FAM3D: variants seen among roughly 807,000 people sequenced by gnomAD.
The protein encoded by FAM3D is protein FAM3D.
FAM3D carries 26 observed loss-of-function variants against 29.8 expected under a neutral mutation model. The ratio of observed to expected loss-of-function variants is 0.87; its 90% CI spans 0.64 to 1.21. The LOEUF (loss-of-function observed/expected upper bound fraction) is 1.21, where lower values mean the gene tolerates loss of function less well. Ranked by LOEUF, FAM3D falls within the 50% of genes most tolerant of loss-of-function variation. The probability of loss-of-function intolerance (pLI) is 0.00; values close to 1 mark genes in which losing one functional copy is unlikely to be tolerated. For synonymous variants in FAM3D, 115 were observed against 102.3 expected, an observed-to-expected ratio of 1.12 and a Z score of -0.75; for missense variants, 253 against 290.9, an observed-to-expected ratio of 0.87 and a Z score of 0.95.
intron 7 of FAM3D, among the ~76,000 whole-genome samples, chr3:58,639,723 G>A (rs969230507): frequency 6.6e-6 from 1 of 152,156 alleles, no homozygotes; most frequent in African/African-American, 2.4e-5. Flanking sequence ...ACCTGCGTGG[G>A]CCCTGATGCA....
At chr3:58,656,141 C>T (rs2066790776) in intron 1 of FAM3D, among the ~76,000 whole-genome samples, 2 of 152,172 alleles carry the variant, frequency 1.3e-5, no homozygotes, top group South Asian at 2.1e-4. Flanking sequence ...TGCAGTGAAA[C>T]CATCAGGGAG....
At chr3:58,648,168 T>C (rs1025499930) in intron 4 of FAM3D, among the ~76,000 whole-genome samples, 2 of 152,246 alleles carry the variant, frequency 1.3e-5, no homozygotes, top group Non-Finnish European at 2.9e-5. Flanking sequence ...AACAAGATGC[T>C]GTGACACTCT....
rs3749290 is a variant in FAM3D at position 58,666,565 on chromosome 3, G to T, written c.-39+11C>A. 24,009 of 152,106 alleles carry T rather than the reference G, an allele frequency of 0.16. 2,336 individuals carry two copies. The highest frequency in any genetic ancestry group is 0.27 in the African/African-American group (11,023 of 41,430). 9.4% of individuals were successfully genotyped at this position (152,106 alleles called of 1,614,324 possible). On this transcript the variant is annotated intron_variant, in intron 1 of 9. Transcript: ENST00000358781. The stretch of plus-strand genomic sequence containing the variant: ...GGAACCATAGCCCTTTCCATTCTTG[G>T]GGGGACGTACCCGAGGGCTCGAGGC...
chr3:58,665,902 C>T (rs1379271537), intron 1 of FAM3D, among the ~76,000 whole-genome samples: 1 of 152,120 alleles, frequency 6.6e-6, no homozygotes, highest in Non-Finnish European at 1.5e-5. Context: ...AGAACTTCAG[C>T]GATTGATGGG....
chr3:58,641,321 C>T (rs79554816), intron 6 of FAM3D, among the ~76,000 whole-genome samples: 2,572 of 151,620 alleles, frequency 0.017, 67 homozygotes, highest in South Asian at 0.068. Context: ...CAGGTTCAAA[C>T]GTAGGTGGTT....
chr3:58,645,716 G>C (rs865911193), intron 4 of FAM3D, 90 bp from the exon 5 acceptor site: 2 of 1,103,660 alleles, frequency 1.8e-6, no homozygotes, highest in Non-Finnish European at 2.8e-6. Context: ...GGGCCAGGGC[G>C]CAGCTTGGGA....
intron 3 of FAM3D, among the ~76,000 whole-genome samples, chr3:58,650,889 T>C (rs1328733409): frequency 6.6e-6 from 1 of 152,118 alleles, no homozygotes; most frequent in East Asian, 1.9e-4. Flanking sequence ...GGCTAATTTT[T>C]TGTACTTTTA....
At chr3:58,643,438 T>C (rs1209530158) in intron 6 of FAM3D, among the ~76,000 whole-genome samples, 1 of 152,208 alleles carries the variant, frequency 6.6e-6, no homozygotes, top group African/African-American at 2.4e-5. Flanking sequence ...CCTCCTGAGA[T>C]AGGAGCATGT....
At chr3:58,649,530 T>C (rs2066571443) in intron 3 of FAM3D, 192 bp from the exon 4 acceptor site, 1 of 619,374 alleles carries the variant, frequency 1.6e-6, no homozygotes, top group Non-Finnish European at 2.9e-6. Context: ...TATACACAGA[T>C]ACACATGTGT....
chr3:58,655,402 C>T, intron 2 of FAM3D, 149 bp downstream of exon 2: 1 of 971,588 alleles, frequency 1.0e-6, no homozygotes, highest in Non-Finnish European at 1.5e-6. Context: ...GAAGTCGCCT[C>T]TTCTACTCTT....
chr3:58,661,199 G>A (rs1350596436), intron 1 of FAM3D, among the ~76,000 whole-genome samples: 1 of 152,150 alleles, frequency 6.6e-6, no homozygotes, highest in Non-Finnish European at 1.5e-5. Flanking sequence ...CTGTGCCCTG[G>A]GTGTGGCCTC....
intron 6 of FAM3D, among the ~76,000 whole-genome samples, chr3:58,642,184 C>T (rs2066352856): frequency 6.6e-6 from 1 of 152,182 alleles, no homozygotes. Context: ...AGCCTCCTGC[C>T]ACTCCCTGCC....
Position 58,635,317 on chromosome 3 carries a change from G to A in FAM3D, c.586-949C>T, listed in dbSNP as rs1284077739. On this transcript the variant is annotated intron_variant, in intron 9 of 9. Coordinates refer to ENST00000358781, the MANE Select transcript of FAM3D (RefSeq NM_138805.3). This position sits in a 1 kb window ranked among gnomAD's most constrained non-coding sequence, Gnocchi z 5.2. Reference sequence around the variant, plus strand: ...TTGGAATCATTGTGGCTGACTCTCAGGAATTAAAAAAGAGATTCTAGATGC... The same window carrying A: ...TTGGAATCATTGTGGCTGACTCTCAAGAATTAAAAAAGAGATTCTAGATGC... 6.6e-6 allele frequency among the ~76,000 whole-genome samples: 1 copy of A among 152,172 alleles called. No individual in the cohort carries two copies. The highest frequency in any genetic ancestry group is 1.5e-5 in the Non-Finnish European group (1 of 68,038).
chr3:58,653,621 C>T (rs184205265), intron 3 of FAM3D, 53 bp downstream of exon 3: 12 of 1,517,458 alleles, frequency 7.9e-6, no homozygotes, highest in Middle Eastern at 4.0e-4. Flanking sequence ...AATATGTCTT[C>T]GGCCCCCAGG....
intron 2 of FAM3D, among the ~76,000 whole-genome samples, chr3:58,654,714 A>C (rs1226373336): frequency 6.9e-6 from 1 of 145,840 alleles, no homozygotes; most frequent in Non-Finnish European, 1.5e-5. Context: ...CCAGCCCCGA[A>C]TTCAGCTCTA....
intron 6 of FAM3D, among the ~76,000 whole-genome samples, chr3:58,642,739 C>G (rs1575475093): frequency 6.6e-6 from 1 of 152,138 alleles, no homozygotes; most frequent in Admixed American, 6.5e-5. Context: ...CTGCCTCCAG[C>G]CCCCCTACTC....
At chr3:58,661,668 G>A (rs1039998271) in intron 1 of FAM3D, among the ~76,000 whole-genome samples, 3 of 152,158 alleles carry the variant, frequency 2.0e-5, no homozygotes, top group East Asian at 1.9e-4. Context: ...TCATGGGAGC[G>A]TGGACACAGT....
At chr3:58,644,252 T>C (rs1411609759) in intron 5 of FAM3D, among the ~76,000 whole-genome samples, 1 of 152,166 alleles carries the variant, frequency 6.6e-6, no homozygotes. Flanking sequence ...CTGGCTGATA[T>C]GGTTTGGCTG....
At chr3:58,647,939 T>C (rs2066525474) in intron 4 of FAM3D, among the ~76,000 whole-genome samples, 1 of 152,212 alleles carries the variant, frequency 6.6e-6, no homozygotes, top group African/African-American at 2.4e-5. Context: ...AGGAAGTTGG[T>C]TTAGATCAGG....
Sources: gnomAD v4.1 joint callset for allele counts (sites outside exome capture counted in the v4.1 genomes callset) on GRCh38, gnomAD v4.1.1 for gene constraint, Gnocchi (gnomAD v3.1) non-coding constraint, MANE v1.5 for transcripts, NCBI Gene and HGNC (gene_info 2026-07-23, HGNC 2026-07-21) for gene names.